FAM110B: variants seen among roughly 807,000 people sequenced by gnomAD.
FAM110B encodes the protein protein FAM110B.
FAM110B carries 6 observed loss-of-function variants against 20.4 expected under a neutral mutation model. That is an observed-to-expected ratio of 0.29 (90% CI 0.16 to 0.58). The LOEUF is 0.58. Among genes scored for constraint, FAM110B ranks in the 20% least tolerant of loss-of-function variants. The pLI, the probability that FAM110B is intolerant of heterozygous loss-of-function variation, is 0.90. For synonymous variants in FAM110B, 226 were observed against 214.1 expected (o/e 1.06, Z -0.49); for missense variants, 434 against 498.2 (o/e 0.87, Z 1.23).
chr8:58,028,619 A>C (rs1028748531), intron 1 of FAM110B, among the ~76,000 whole-genome samples: 3 of 152,142 alleles, frequency 2.0e-5, no homozygotes, highest in Non-Finnish European at 4.4e-5. Flanking sequence ...ACTTAGTCTT[A>C]ATATCAATAG....
chr8:58,042,434 CA>C (rs371472123), intron 2 of FAM110B, among the ~76,000 whole-genome samples: 60 of 152,310 alleles, frequency 3.9e-4, no homozygotes, highest in Middle Eastern at 6.8e-3. Flanking sequence ...TTCTTTTACA[CA>C]ACCTATCTAT....
intron 3 of FAM110B, among the ~76,000 whole-genome samples, chr8:58,110,904 G>A (rs1380803574): frequency 6.6e-6 from 1 of 152,116 alleles, no homozygotes; most frequent in Non-Finnish European, 1.5e-5. Flanking sequence ...AGCTGTGAAA[G>A]GTGTTATAGG....
chr8:58,007,550 G>A (rs900223977), intron 1 of FAM110B, among the ~76,000 whole-genome samples: 2 of 152,182 alleles, frequency 1.3e-5, no homozygotes, highest in African/African-American at 4.8e-5. Flanking sequence ...CAAGGGGATG[G>A]TATTCAGAGG....
At chr8:58,082,639 T>C (rs1806227383) in intron 3 of FAM110B, among the ~76,000 whole-genome samples, 3 of 152,126 alleles carry the variant, frequency 2.0e-5, no homozygotes, top group African/African-American at 7.2e-5. Context: ...TAACTCTGAA[T>C]CTGTAGAATC....
intron 3 of FAM110B, among the ~76,000 whole-genome samples, chr8:58,076,518 T>G (rs936008502): frequency 6.6e-6 from 1 of 152,116 alleles, no homozygotes; most frequent in Admixed American, 6.5e-5. Flanking sequence ...TCCTTTCTGG[T>G]CCCCACAGCT....
intron 2 of FAM110B, among the ~76,000 whole-genome samples, chr8:58,074,073 A>G (rs1274147174): frequency 1.3e-5 from 2 of 152,064 alleles, no homozygotes; most frequent in Non-Finnish European, 2.9e-5. Flanking sequence ...AACCCTGTAA[A>G]ATGCGCAGGC....
rs144061755 is a variant in FAM110B, at chr8:58,060,567, A to G, written c.-413-14968A>G. ...TTCGTATTATTTTTCTTGGTTGCCA[A>G]TGGAGTATTTTTTTTGCTCCCTAAC... is the stretch of plus-strand genomic sequence containing the variant. On this transcript the variant is annotated intron_variant, in intron 2 of 3. Coordinates refer to ENST00000519262, the MANE Select transcript of FAM110B (RefSeq NM_001377989.1). 6.1e-3 allele frequency among the ~76,000 whole-genome samples: 922 copies of G among 152,234 alleles called. 10 individuals are homozygous for G. Among genetic ancestry groups the G allele is most frequent in the African/African-American group, 0.02 (844 of 41,564 alleles).
At chr8:58,086,286 A>T (rs533965459) in intron 3 of FAM110B, among the ~76,000 whole-genome samples, 1 of 152,236 alleles carries the variant, frequency 6.6e-6, no homozygotes, top group African/African-American at 2.4e-5. Flanking sequence ...AGAAAAAATT[A>T]TATGAATATA....
chr8:58,069,517 G>A (rs181853681), intron 2 of FAM110B, among the ~76,000 whole-genome samples: 6 of 152,260 alleles, frequency 3.9e-5, no homozygotes, highest in Admixed American at 6.5e-5. Context: ...TAGTTTGGCC[G>A]TTCAGTTGTG....
chr8:58,121,278 C>T (rs903745781), intron 3 of FAM110B, among the ~76,000 whole-genome samples: 1 of 152,148 alleles, frequency 6.6e-6, no homozygotes, highest in Non-Finnish European at 1.5e-5. Flanking sequence ...ACTGATAGAA[C>T]AACATAATAA....
chr8:58,052,763 T>C (rs1805472320), intron 2 of FAM110B, among the ~76,000 whole-genome samples: 1 of 132,346 alleles, frequency 7.6e-6, no homozygotes, highest in African/African-American at 2.8e-5. Flanking sequence ...GTGGTGAGAG[T>C]GATGGACTCT....
intron 3 of FAM110B, among the ~76,000 whole-genome samples, chr8:58,113,818 T>G (rs750648341): frequency 1.3e-5 from 2 of 152,240 alleles, no homozygotes; most frequent in Admixed American, 6.5e-5. Context: ...TTAATGTCAC[T>G]TCATAGGTTT....
chr8:58,069,621 A>G (rs1805844910), intron 2 of FAM110B, among the ~76,000 whole-genome samples: 1 of 152,214 alleles, frequency 6.6e-6, no homozygotes, highest in African/African-American at 2.4e-5. Context: ...TGTAGTCAAG[A>G]TTATGATTTT....
intron 1 of FAM110B, among the ~76,000 whole-genome samples, chr8:58,016,410 A>G (rs1219758128): frequency 6.6e-6 from 1 of 152,190 alleles, no homozygotes; most frequent in African/African-American, 2.4e-5. Flanking sequence ...GGTTGCAGTC[A>G]TATTGAGGCT....
chr8:58,134,155 G>A (rs1803555739), intron 3 of FAM110B, among the ~76,000 whole-genome samples: 1 of 152,168 alleles, frequency 6.6e-6, no homozygotes, highest in East Asian at 1.9e-4. Context: ...TATACTTAAG[G>A]CAAAGAACTA....
chr8:58,102,142 A>G (rs1019135519), intron 3 of FAM110B, among the ~76,000 whole-genome samples: 3 of 152,240 alleles, frequency 2.0e-5, no homozygotes, highest in Non-Finnish European at 4.4e-5. Context: ...ATGAAAGCAG[A>G]GCAAGCATGT....
chr8:58,144,124 T>C (rs1481697614), intron 3 of FAM110B, among the ~76,000 whole-genome samples: 1 of 152,190 alleles, frequency 6.6e-6, no homozygotes, highest in African/African-American at 2.4e-5. Flanking sequence ...ACTCTAGTCC[T>C]CAGGCACAAA....
In FAM110B at chr8:58,147,550, C is replaced by G. The variant is rs2150648275; in HGVS notation, c.*207C>G. 1.6e-6 allele frequency: 1 copy of G among 615,124 alleles called. No homozygotes were observed. The highest frequency in any genetic ancestry group is 2.3e-5 in the South Asian group (1 of 42,886). The allele number at this position is 615,124 out of a possible 1,614,324, so 38.1% of individuals were successfully genotyped here. A position where few individuals can be genotyped will look rare whatever the true frequency, so the allele number is the denominator to read the frequency against. ...GCCTGGCTGAACACGCGTCATCTGC[C>G]AAAAGTTTCAGGCCAGAATCTAATT... On this transcript the variant is annotated 3_prime_UTR_variant, in exon 4 of 4. Transcript: ENST00000519262.
At chr8:58,017,273 G>C (rs1804658309) in intron 1 of FAM110B, among the ~76,000 whole-genome samples, 1 of 152,240 alleles carries the variant, frequency 6.6e-6, no homozygotes, top group Non-Finnish European at 1.5e-5. Flanking sequence ...GCATTTTATA[G>C]ATAAGAGACT....
Sources: allele counts gnomAD v4.1 joint callset (sites outside exome capture counted in the v4.1 genomes callset), GRCh38; gene constraint gnomAD v4.1.1; transcripts MANE v1.5; gene names NCBI Gene and HGNC (gene_info 2026-07-23, HGNC 2026-07-21).